Variants in KANSL1 observed in about 807,000 individuals in gnomAD.
KANSL1 encodes the protein KAT8 regulatory NSL complex subunit 1.
In KANSL1, 22 loss-of-function variants were observed where a neutral mutation model predicts 103.6. The observed-to-expected ratio is 0.21, with a 90% CI of 0.15 to 0.30. The LOEUF is 0.30. Ranked by LOEUF, KANSL1 falls within the 10% of genes least tolerant of loss-of-function variation. KANSL1 has a pLI of 1.00. For synonymous variants in KANSL1, 600 were observed against 527.6 expected (o/e 1.14, Z -1.88); for missense variants, 1,337 against 1,399.8 (o/e 0.96, Z 0.72).
chr17:46,064,958 T>G (rs2146641350), intron 6 of KANSL1, among the ~76,000 whole-genome samples: 1 of 151,980 alleles, frequency 6.6e-6, no homozygotes, highest in African/African-American at 2.4e-5. Flanking sequence ...TGTATACGTG[T>G]GTTTTTTTTG....
Position 46,171,524 on chromosome 17 carries a change from T to C in KANSL1, c.620A>G (p.Asn207Ser), listed in dbSNP as rs144882998. ...ESGDLKGGMT[N>S]CTLPHRSLDV... ...AAGGCTTCTATGTGGAAGAGTGCAA[T>C]TGGTCATACCCCCCTTCAAGTCCCC... Residue 207 changes from asparagine (N) to serine (S), a missense_variant, in exon 2 of 15, where the codon AAT becomes AGT. Physicochemically the swap from Asn to Ser is conservative, Grantham distance 46 (BLOSUM62 1). This residue lies in a region of KANSL1 where 557 missense variants were observed against 476.4 expected (regional missense o/e 1.17). Transcript: ENST00000432791. 713 of 1,613,538 alleles carry C rather than the reference T, an allele frequency of 4.4e-4. No homozygotes were observed. The highest frequency in any genetic ancestry group is 5.7e-4 in the Non-Finnish European group (677 of 1,179,724).
chr17:46,096,921 T>C (rs538701652), intron 2 of KANSL1, among the ~76,000 whole-genome samples: 3 of 152,160 alleles, frequency 2.0e-5, no homozygotes, highest in Non-Finnish European at 4.4e-5. Flanking sequence ...CTAGCCCCAC[T>C]GGCTAATTTT....
intron 2 of KANSL1, among the ~76,000 whole-genome samples, chr17:46,138,422 A>G (rs1166946467): frequency 6.6e-6 from 1 of 152,246 alleles, no homozygotes; most frequent in Non-Finnish European, 1.5e-5. Context: ...ATTAGGTGTT[A>G]TAAGTAATCT....
intron 6 of KANSL1, among the ~76,000 whole-genome samples, chr17:46,053,775 A>G (rs901678628): frequency 1.3e-5 from 2 of 152,166 alleles, no homozygotes; most frequent in Non-Finnish European, 2.9e-5. Context: ...ATTTTGGAAA[A>G]TTTTTGAAAG....
intron 1 of KANSL1, among the ~76,000 whole-genome samples, chr17:46,204,294 T>C (rs2047895550): frequency 6.6e-6 from 1 of 151,578 alleles, no homozygotes; most frequent in South Asian, 2.1e-4. Flanking sequence ...TTTGTATCTT[T>C]AGTCTCTACT....
intron 10 of KANSL1, chr17:46,037,528 C>CTGTG (rs1486396399): frequency 1.2e-4 from 18 of 152,234 alleles, no homozygotes; most frequent in Admixed American, 1.2e-3. Flanking sequence ...CAGGCTTAGC[C>CTGTG]TGTGTAGTGT....
At chr17:46,189,647 G>A (rs2147901395) in intron 1 of KANSL1, among the ~76,000 whole-genome samples, 1 of 152,264 alleles carries the variant, frequency 6.6e-6, no homozygotes, top group South Asian at 2.1e-4. Context: ...CTTCTGGGAG[G>A]CCGAGGCAGG....
intron 6 of KANSL1, among the ~76,000 whole-genome samples, chr17:46,051,079 G>C (rs1241085387): frequency 6.6e-6 from 1 of 152,124 alleles, no homozygotes; most frequent in African/African-American, 2.4e-5. Flanking sequence ...CCGCTAAGAC[G>C]AACAGTTGGT....
At chr17:46,175,028 A>G (rs1425834507) in intron 1 of KANSL1, among the ~76,000 whole-genome samples, 1 of 152,242 alleles carries the variant, frequency 6.6e-6, no homozygotes, top group East Asian at 1.9e-4. Context: ...TGTTCTCAAC[A>G]AATTTTAAGA....
chr17:46,157,718 T>C (rs995332584), intron 2 of KANSL1, among the ~76,000 whole-genome samples: 2 of 152,272 alleles, frequency 1.3e-5, no homozygotes, highest in Non-Finnish European at 2.9e-5. Context: ...CTTCTGGTAA[T>C]GCTTGAGTGT....
At chr17:46,116,160 T>C (rs1024843078) in intron 2 of KANSL1, among the ~76,000 whole-genome samples, 11 of 152,200 alleles carry the variant, frequency 7.2e-5, no homozygotes, top group African/African-American at 2.7e-4. Flanking sequence ...TTCACAAAAA[T>C]TAAAGTTAGT....
At chr17:46,077,873 T>C (rs561035245) in intron 4 of KANSL1, among the ~76,000 whole-genome samples, 2 of 152,312 alleles carry the variant, frequency 1.3e-5, no homozygotes, top group South Asian at 4.1e-4. Context: ...TTTCATACAT[T>C]TGTAAACTGA....
chr17:46,170,655 C>T, intron 2 of KANSL1, 200 bp downstream of exon 2: 1 of 611,478 alleles, frequency 1.6e-6, no homozygotes, highest in Non-Finnish European at 2.7e-6. Flanking sequence ...TAGACTACAA[C>T]AATACAACCC....
intron 3 of KANSL1, among the ~76,000 whole-genome samples, chr17:46,084,697 T>TAAAAAAAA (rs67108405): frequency 9.2e-3 from 685 of 74,448 alleles, no homozygotes; most frequent in East Asian, 0.021. Flanking sequence ...TTTTAAAAAT[T>TAAAAAAAA]AAAAAAAAAA....
intron 2 of KANSL1, among the ~76,000 whole-genome samples, chr17:46,133,385 C>CA (rs1442494414): frequency 6.6e-6 from 1 of 152,116 alleles, no homozygotes; most frequent in Non-Finnish European, 1.5e-5. Flanking sequence ...CACTTTAAAG[C>CA]AACTCTCAGA....
At chr17:46,058,682 TCTCA>T (rs145841737) in intron 6 of KANSL1, among the ~76,000 whole-genome samples, 4,211 of 149,528 alleles carry the variant, frequency 0.028, 218 homozygotes, top group African/African-American at 0.099. Flanking sequence ...AAACCAACAC[TCTCA>T]CTAATTGGAA....
chr17:46,146,490 G>C lies in KANSL1; in HGVS notation c.1289+24365C>G, dbSNP rs991797584. Among the ~76,000 whole-genome samples the C allele has an allele frequency of 5.3e-5, 8 of 152,318 alleles. No individual in the cohort carries two copies. In the East Asian group the frequency reaches 1.2e-3, roughly 22 times the overall value. ...TTTTTTGGACTGCTCCTGCAAGGTA[G>C]GGCTACCCCATAGGCAGAGAGTAGC... On this transcript the variant is annotated intron_variant, in intron 2 of 14. Coordinates refer to ENST00000432791, the MANE Select transcript of KANSL1 (RefSeq NM_015443.4).
At chr17:46,187,238 T>C (rs1480378793) in intron 1 of KANSL1, among the ~76,000 whole-genome samples, 2 of 152,236 alleles carry the variant, frequency 1.3e-5, no homozygotes, top group East Asian at 1.9e-4. Flanking sequence ...AAAATTGTTA[T>C]TCCTCTTTTT....
chr17:46,213,315 T>TTG (rs1567809193), intron 1 of KANSL1, among the ~76,000 whole-genome samples: 15 of 151,412 alleles, frequency 9.9e-5, no homozygotes, highest in Non-Finnish European at 2.1e-4. Context: ...TGTTGTTGTT[T>TTG]TTTGAGACGG....
Sources: allele counts gnomAD v4.1 joint callset (sites outside exome capture counted in the v4.1 genomes callset), GRCh38; gene constraint gnomAD v4.1.1; regional missense constraint gnomAD v4.1.1; transcripts MANE v1.5; gene names NCBI Gene and HGNC (gene_info 2026-07-23, HGNC 2026-07-21).